Variants in SETD3 observed in about 807,000 individuals in gnomAD.
SETD3 encodes actin-histidine N-methyltransferase.
A neutral mutation model predicts 63.0 loss-of-function variants in SETD3; 19 were observed. That is an observed-to-expected ratio of 0.30 (90% CI 0.21 to 0.44). The LOEUF is 0.44. Among genes scored for constraint, SETD3 ranks in the 20% least tolerant of loss-of-function variants. The pLI is 1.00. For missense variants in SETD3, 587 were observed against 728.5 expected, an observed-to-expected ratio of 0.81 and a Z score of 2.24; for synonymous variants, 286 against 264.1, an observed-to-expected ratio of 1.08 and a Z score of -0.80.
At position 99,413,855 on chromosome 14, in the gene SETD3, ACACT is replaced by A; in HGVS notation, c.734+17_734+20del. 1 of 1,613,338 alleles carries A rather than the reference ACACT, an allele frequency of 6.2e-7. No homozygotes were observed. Among genetic ancestry groups the A allele is most frequent in the Non-Finnish European group, 8.5e-7 (1 of 1,179,300 alleles). On this transcript the variant is annotated intron_variant, in intron 7 of 12. Transcript: ENST00000331768. ...TAGAAACCACCCTCAATACACAGAC[ACACT>A]CACAGCCCACACCAACCTGTAGTCC...
intron 6 of SETD3, among the ~76,000 whole-genome samples, chr14:99,440,061 G>C (rs1279241967): frequency 2.0e-5 from 3 of 151,888 alleles, no homozygotes; most frequent in Non-Finnish European, 4.4e-5. Context: ...TCCCCACCCT[G>C]GCCTCCCAAA....
intron 6 of SETD3, among the ~76,000 whole-genome samples, chr14:99,440,400 C>A (rs532947138): frequency 6.6e-6 from 1 of 152,072 alleles, no homozygotes; most frequent in Non-Finnish European, 1.5e-5. Flanking sequence ...CTCGAACTGT[C>A]GATAATCGCA....
chr14:99,442,213 C>G (rs1893864015), intron 6 of SETD3, among the ~76,000 whole-genome samples: 1 of 152,194 alleles, frequency 6.6e-6, no homozygotes, highest in Non-Finnish European at 1.5e-5. Flanking sequence ...AGTAATCATA[C>G]CTTCTCATTG....
Position 99,458,364 on chromosome 14 carries a change from A to G in SETD3, c.590T>C (p.Leu197Pro). 1 of 1,614,160 alleles carries G rather than the reference A, an allele frequency of 6.2e-7. No individual in the cohort carries two copies. Among genetic ancestry groups the G allele is most frequent in the South Asian group, 1.1e-5 (1 of 91,080 alleles). The change falls in exon 6 of 13, where the codon CTT becomes CCT. Residue 197 changes from leucine to proline, a missense_variant. By Grantham distance (98) the Leu-to-Pro change is moderately conservative. Coordinates refer to ENST00000331768, the MANE Select transcript of SETD3 (RefSeq NM_032233.3). ...ATCATGTATAGCTTGTGTGGACTGA[A>G]GATACCGAACTTCATCTTCTTCAAA... is the stretch of plus-strand genomic sequence containing the variant. Reference protein sequence around the residue: ...LYFEEDEVRYLQSTQAIHDVF... With the variant: ...LYFEEDEVRYPQSTQAIHDVF...
At chr14:99,413,846 T>C (rs1892138798) in intron 7 of SETD3, 30 bp downstream of exon 7, 3 of 1,611,322 alleles carry the variant, frequency 1.9e-6, no homozygotes, top group Admixed American at 1.7e-5. Flanking sequence ...CCACCCTCAA[T>C]ACACAGACAC....
chr14:99,405,171 G>C (rs776406579), intron 10 of SETD3, 34 bp downstream of exon 10: 22 of 1,596,038 alleles, frequency 1.4e-5, no homozygotes, highest in Non-Finnish European at 1.7e-5. Flanking sequence ...TTCAAGTACT[G>C]CAAGAAAGGG....
chr14:99,483,814 T>C (rs566262067), upstream of SETD3, among the ~76,000 whole-genome samples: 92 of 152,366 alleles, frequency 6.0e-4, no homozygotes, highest in African/African-American at 2.1e-3. Context: ...TTTGGAGATA[T>C]GCTACAGGAC....
chr14:99,440,316 C>T (rs1393254325), intron 6 of SETD3, among the ~76,000 whole-genome samples: 1 of 152,166 alleles, frequency 6.6e-6, no homozygotes, highest in African/African-American at 2.4e-5. Context: ...AAACCATTAA[C>T]ACGTGACCAA....
intron 11 of SETD3, among the ~76,000 whole-genome samples, chr14:99,402,918 T>C (rs548465667): frequency 6.6e-6 from 1 of 152,336 alleles, no homozygotes; most frequent in Admixed American, 6.5e-5. Flanking sequence ...TATAAATGCC[T>C]TGAGTACATG....
intron 8 of SETD3, among the ~76,000 whole-genome samples, chr14:99,409,539 T>C (rs912997250): frequency 6.6e-6 from 1 of 152,180 alleles, no homozygotes; most frequent in Non-Finnish European, 1.5e-5. Context: ...GGTAACTCAA[T>C]GGCACACTTG....
At chr14:99,475,152 G>C (rs192984110) in intron 1 of SETD3, among the ~76,000 whole-genome samples, 2 of 152,266 alleles carry the variant, frequency 1.3e-5, no homozygotes. Context: ...AATCCGTCAA[G>C]AAATTACCTT....
At chr14:99,423,241 C>G (rs903053436) in intron 6 of SETD3, among the ~76,000 whole-genome samples, 7 of 152,012 alleles carry the variant, frequency 4.6e-5, no homozygotes, top group African/African-American at 1.7e-4. Flanking sequence ...CTAAGTAACC[C>G]TTTTTTGTAT....
chr14:99,483,223 A>T (rs1566744850), upstream of SETD3, among the ~76,000 whole-genome samples: 1 of 152,144 alleles, frequency 6.6e-6, no homozygotes, highest in African/African-American at 2.4e-5. Flanking sequence ...AGGAGAGCTG[A>T]TTCCCTGAAG....
intron 1 of SETD3, among the ~76,000 whole-genome samples, chr14:99,479,987 T>C (rs1030551854): frequency 6.6e-6 from 1 of 151,860 alleles, no homozygotes; most frequent in Non-Finnish European, 1.5e-5. Context: ...ATCGCCGGGC[T>C]GGAGCCACGA....
At position 99,398,034 on chromosome 14, in the gene SETD3, T is replaced by A. The variant is rs535263373; in HGVS notation, c.*645A>T. 6.5e-6 allele frequency: 1 copy of A among 152,686 alleles called. No homozygotes were observed. Among genetic ancestry groups the A allele is most frequent in the East Asian group, 1.9e-4 (1 of 5,178 alleles). 9.5% of individuals were successfully genotyped at this position (152,686 alleles called of 1,614,324 possible). On this transcript the variant is annotated 3_prime_UTR_variant, in exon 13 of 13. Transcript: ENST00000331768. ...AGTACAGTAAAACAAAACACAAAAG[T>A]AAACAAATCTTTAGAAATCACTATA...
Position 99,413,004 on chromosome 14 carries a change from C to A in SETD3, c.796G>T (p.Val266Leu). ...NQIPTEDGSRVTLALIPLWDM... is the reference protein window; with the variant it reads ...NQIPTEDGSRLTLALIPLWDM... ...CATAAAGGAATCAGAGCCAGGGTCACGCGGGAACCATCCTCTGTGGGAATT... is the reference window on the plus strand; with the variant it reads ...CATAAAGGAATCAGAGCCAGGGTCAAGCGGGAACCATCCTCTGTGGGAATT... The change falls in exon 8 of 13, where the codon GTG becomes TTG. Residue 266 changes from valine (V) to leucine (L), a missense_variant. Transcript: ENST00000331768. 2.2e-5 allele frequency: 35 copies of A among 1,614,036 alleles called. No homozygotes were observed. Among genetic ancestry groups the A allele is most frequent in the Non-Finnish European group, 3.0e-5 (35 of 1,179,972 alleles).
intron 1 of SETD3, among the ~76,000 whole-genome samples, chr14:99,470,881 G>T (rs1160297717): frequency 6.6e-6 from 1 of 152,110 alleles, no homozygotes; most frequent in Non-Finnish European, 1.5e-5. Flanking sequence ...TTTCATGTGG[G>T]TTTGCCAGCT....
chr14:99,415,269 T>C (rs569224144), intron 6 of SETD3, among the ~76,000 whole-genome samples: 79 of 152,346 alleles, frequency 5.2e-4, no homozygotes, highest in Admixed American at 2.7e-3. Flanking sequence ...AATTAAACTG[T>C]AGAAAGTTAG....
chr14:99,406,143 A>G (rs551913113), intron 9 of SETD3, among the ~76,000 whole-genome samples: 1 of 152,366 alleles, frequency 6.6e-6, no homozygotes, highest in East Asian at 1.9e-4. Flanking sequence ...ATACTCTTAT[A>G]AAGTTCTAAT....
Sources: gnomAD v4.1 joint callset for allele counts (sites outside exome capture counted in the v4.1 genomes callset) on GRCh38, gnomAD v4.1.1 for gene constraint, MANE v1.5 for transcripts, NCBI Gene and HGNC (gene_info 2026-07-23, HGNC 2026-07-21) for gene names.